Variants in PTAR1 observed in about 807,000 individuals in gnomAD.
PTAR1 encodes the protein protein prenyltransferase alpha subunit repeat-containing protein 1.
Under a neutral mutation model 45.5 loss-of-function variants are expected in PTAR1, and 17 were observed. The ratio of observed to expected loss-of-function variants is 0.37; its 90% CI spans 0.26 to 0.56. The LOEUF (loss-of-function observed/expected upper bound fraction) is 0.56, where lower values mean the gene tolerates loss of function less well. Among genes scored for constraint, PTAR1 ranks in the 20% least tolerant of loss-of-function variants. The pLI, the probability that PTAR1 is intolerant of heterozygous loss-of-function variation, is 0.77. For missense variants in PTAR1, 391 were observed against 476.3 expected, an observed-to-expected ratio of 0.82 and a Z score of 1.67; for synonymous variants, 169 against 171.3, an observed-to-expected ratio of 0.99 and a Z score of 0.11.
At position 69,759,878 on chromosome 9, in the gene PTAR1, T is replaced by C. The variant is rs1188752382; in HGVS notation, c.61A>G (p.Asn21Asp). ...LVQRVVKDIT[N>D]AFRRNPHIDE... The stretch of plus-strand genomic sequence containing the variant: ...ATGTGTGGGTTCCTCCTGAAGGCGT[T>C]AGTGATGTCCTTCACAACCCGCTGC... Residue 21 changes from asparagine to aspartate, a missense_variant, in exon 1 of 8, where the codon AAC becomes GAC. Physicochemically the swap from Asn to Asp is conservative, Grantham distance 23 (BLOSUM62 1). Around this residue, in one of 5 missense-constraint regions of PTAR1, gnomAD observed 152 missense variants for 160.0 expected, o/e 0.95. Coordinates refer to ENST00000340434, the MANE Select transcript of PTAR1 (RefSeq NM_001099666.2). 6 of 1,531,270 alleles carry C rather than the reference T, an allele frequency of 3.9e-6. No homozygotes were observed. The South Asian group carries it at 7.3e-5, about 19-fold the overall frequency. 94.9% of individuals were successfully genotyped at this position (1,531,270 alleles called of 1,614,324 possible). A position where few individuals can be genotyped will look rare whatever the true frequency, so the allele number is the denominator to read the frequency against.
chr9:69,756,191 A>C (rs1415704422), intron 1 of PTAR1, among the ~76,000 whole-genome samples: 5 of 152,290 alleles, frequency 3.3e-5, no homozygotes, highest in Middle Eastern at 6.8e-3. Flanking sequence ...TCTTTACTAA[A>C]AAATGTTCAC....
intron 5 of PTAR1, among the ~76,000 whole-genome samples, chr9:69,729,697 C>T (rs1245772865): frequency 6.6e-6 from 1 of 152,150 alleles, no homozygotes; most frequent in African/African-American, 2.4e-5. Context: ...GCAACTTCCT[C>T]AAGGCTACAC....
Position 69,725,441 on chromosome 9 carries a change from T to A in PTAR1, c.643-1811A>T, listed in dbSNP as rs187617802. Among the ~76,000 whole-genome samples the A allele has an allele frequency of 4.6e-5, 7 of 151,596 alleles. 1 individual carries two copies. The East Asian group carries it at 1.2e-3, about 25-fold the overall frequency. ...CCTGTCTCTACTAAAAATACAAAAA[T>A]TTGCAGGGCGTGGTGGTGCATGCCT... On this transcript the variant is annotated intron_variant, in intron 5 of 7. Coordinates refer to ENST00000340434, the MANE Select transcript of PTAR1 (RefSeq NM_001099666.2).
At position 69,718,498 on chromosome 9, in the gene PTAR1, C is replaced by T. The variant is rs1824825477; in HGVS notation, c.1053G>A (p.Gln351=). The T allele has an allele frequency of 6.2e-7, 1 of 1,613,620 alleles. No individual in the cohort carries two copies. ...GCGTCCGCTTCAGGCGTTTGGTTTC[C>T]TGGGAATAGCCTTGCTTGCTAGAGT... is the stretch of plus-strand genomic sequence containing the variant. ...LNDSSKQGYS[Q]ETKRLKRTPV... Residue 351 remains glutamine, a synonymous_variant, in exon 8 of 8, where the codon CAG becomes CAA. Transcript: ENST00000340434.
chr9:69,738,326 C>T (rs1166816022), intron 3 of PTAR1, among the ~76,000 whole-genome samples: 1 of 152,160 alleles, frequency 6.6e-6, no homozygotes, highest in Non-Finnish European at 1.5e-5. Context: ...TGGCTGAGTT[C>T]AGGTTTCTTC....
At chr9:69,750,698 G>A in intron 2 of PTAR1, 83 bp downstream of exon 2, 1 of 959,838 alleles carries the variant, frequency 1.0e-6, no homozygotes, top group Non-Finnish European at 1.5e-6. Flanking sequence ...ATCCAGGAAT[G>A]CTGACACTCA....
Position 69,714,326 on chromosome 9 carries a change from CTT to C in PTAR1, c.*4014_*4015del, listed in dbSNP as rs1331024638. ...CAAAATAATAGTTAGCTTAAAACAG[CTT>C]TTTAGAAAAAAAAAATCATGTTACT... On this transcript the variant is annotated 3_prime_UTR_variant, in exon 8 of 8. Transcript: ENST00000340434. 5.1e-4 allele frequency: 22 copies of C among 43,394 alleles called. No individual in the cohort carries two copies. Among genetic ancestry groups the C allele is most frequent in the African/African-American group, 1.7e-3 (22 of 13,274 alleles). 2.7% of individuals were successfully genotyped at this position (43,394 alleles called of 1,614,324 possible).
chr9:69,720,472 C>T (rs776757196), intron 6 of PTAR1, among the ~76,000 whole-genome samples: 15 of 152,192 alleles, frequency 9.9e-5, no homozygotes, highest in Non-Finnish European at 1.5e-4. Flanking sequence ...AAGAAGCCAT[C>T]TCTATAACAA....
chr9:69,740,407 C>G (rs929221955), intron 3 of PTAR1, among the ~76,000 whole-genome samples: 3 of 150,592 alleles, frequency 2.0e-5, no homozygotes, highest in African/African-American at 7.4e-5. Flanking sequence ...CATATGTATA[C>G]AGGTGTGTGT....
At chr9:69,730,907 C>T (rs1825505377) in intron 5 of PTAR1, among the ~76,000 whole-genome samples, 1 of 152,068 alleles carries the variant, frequency 6.6e-6, no homozygotes, top group African/African-American at 2.4e-5. Context: ...CAGTAATTTA[C>T]ATCCATTAAC....
intron 2 of PTAR1, among the ~76,000 whole-genome samples, chr9:69,749,653 C>T (rs921534271): frequency 6.6e-6 from 1 of 151,996 alleles, no homozygotes; most frequent in East Asian, 1.9e-4. Context: ...GAGTCCCTTT[C>T]TATGGTATAA....
In PTAR1 at chr9:69,730,642, C is replaced by T. The variant is rs575340524; in HGVS notation, c.642+1497G>A. 1.8e-4 allele frequency among the ~76,000 whole-genome samples: 27 copies of T among 148,830 alleles called. No individual in the cohort carries two copies. In the East Asian group the frequency reaches 4.7e-3, roughly 26 times the overall value. On this transcript the variant is annotated intron_variant, in intron 5 of 7. Transcript: ENST00000340434. ...CAACGAGCGCATCCTAGATGAAGAA[C>T]GATTTTTCTGTGCTCCCATTGTATT...
At chr9:69,754,891 T>C (rs1826702848) in intron 1 of PTAR1, among the ~76,000 whole-genome samples, 1 of 151,882 alleles carries the variant, frequency 6.6e-6, no homozygotes, top group Non-Finnish European at 1.5e-5. Context: ...TTTCAAAAAG[T>C]GGGATCATAT....
rs945430146 is a variant in PTAR1 at position 69,727,022 on chromosome 9, T to C, written c.643-3392A>G. The stretch of plus-strand genomic sequence containing the variant: ...GTATAAATGACAAATTAAAATTGTG[T>C]ATATACACACACACACACACACACA... On this transcript the variant is annotated intron_variant, in intron 5 of 7. Transcript: ENST00000340434. 1.4e-4 allele frequency among the ~76,000 whole-genome samples: 10 copies of C among 70,820 alleles called. No homozygotes were observed. The South Asian group carries it at 5.2e-3, about 37-fold the overall frequency. The allele number at this position is 70,820 out of a possible 152,430, so 46.5% of individuals were successfully genotyped here.
chr9:69,735,467 C>T (rs1351688074), intron 3 of PTAR1, among the ~76,000 whole-genome samples: 1 of 152,144 alleles, frequency 6.6e-6, no homozygotes, highest in East Asian at 1.9e-4. Context: ...CTACAGAAAG[C>T]AATTTTTTCC....
In PTAR1 at chr9:69,717,230, A is replaced by T. The variant is rs1824763074; in HGVS notation, c.*1112T>A. The T allele has an allele frequency of 6.6e-6, 1 of 152,174 alleles. No homozygotes were observed. 9.4% of individuals were successfully genotyped at this position (152,174 alleles called of 1,614,324 possible). A position where few individuals can be genotyped will look rare whatever the true frequency, so the allele number is the denominator to read the frequency against. ...TTTATAGTTTCCATAGTGTATCCTC[A>T]ATAATTTAGATTTTTAAAAAGGAAT... On this transcript the variant is annotated 3_prime_UTR_variant, in exon 8 of 8. Coordinates refer to ENST00000340434, the MANE Select transcript of PTAR1 (RefSeq NM_001099666.2).
intron 5 of PTAR1, among the ~76,000 whole-genome samples, chr9:69,726,243 T>C (rs1431205305): frequency 1.3e-5 from 2 of 152,304 alleles, no homozygotes; most frequent in South Asian, 4.1e-4. Context: ...TTTTTTTCTA[T>C]GTATGCACAT....
intron 5 of PTAR1, among the ~76,000 whole-genome samples, chr9:69,726,432 A>AT (rs1747741430): frequency 6.6e-6 from 1 of 152,110 alleles, no homozygotes; most frequent in Admixed American, 6.5e-5. Flanking sequence ...CTACTCTTGT[A>AT]TAAGTAACAC....
At chr9:69,723,233 C>T (rs963163867) in intron 6 of PTAR1, 93 bp downstream of exon 6, 10 of 1,067,398 alleles carry the variant, frequency 9.4e-6, no homozygotes, top group Non-Finnish European at 1.3e-5. Context: ...CATGTTTACC[C>T]AAGCAGGCAG....
Sources: allele counts gnomAD v4.1 joint callset (sites outside exome capture counted in the v4.1 genomes callset), GRCh38; gene constraint gnomAD v4.1.1; regional missense constraint gnomAD v4.1.1; transcripts MANE v1.5; gene names NCBI Gene and HGNC (gene_info 2026-07-23, HGNC 2026-07-21).